The following BMP1 variants were observed in gnomAD, a reference collection of about 807,000 sequenced individuals.
BMP1 encodes mammalian tolloid protein.
Under a neutral mutation model 116.8 loss-of-function variants are expected in BMP1, and 63 were observed. The ratio of observed to expected loss-of-function variants is 0.54; its 90% CI spans 0.44 to 0.67. The LOEUF (loss-of-function observed/expected upper bound fraction) is 0.67. BMP1 is among the 30% of genes least tolerant of loss of function. The pLI is 0.00. For missense variants in BMP1, 1,183 were observed against 1,358.9 expected (o/e 0.87, Z 2.04); for synonymous variants, 536 against 533.4 (o/e 1.00, Z -0.07).
At chr8:22,180,743 A>G (rs535084631) in intron 8 of BMP1, among the ~76,000 whole-genome samples, 3 of 152,068 alleles carry the variant, frequency 2.0e-5, no homozygotes, top group Non-Finnish European at 4.4e-5. Flanking sequence ...TTGATTATCT[A>G]GTTCTTCTTG....
intron 8 of BMP1, among the ~76,000 whole-genome samples, chr8:22,184,495 G>A (rs138074183): frequency 4.6e-4 from 70 of 152,324 alleles, no homozygotes; most frequent in Non-Finnish European, 8.4e-4. Context: ...AGAAGTACAC[G>A]AAGTAAAAAC....
At chr8:22,208,733 A>T (rs1331270301) in intron 18 of BMP1, among the ~76,000 whole-genome samples, 1 of 152,230 alleles carries the variant, frequency 6.6e-6, no homozygotes, top group Admixed American at 6.5e-5. Flanking sequence ...GGAGCTTTGC[A>T]GTCTCCTCCT....
At chr8:22,192,682 C>G (rs570010104) in intron 9 of BMP1, among the ~76,000 whole-genome samples, 1 of 152,130 alleles carries the variant, frequency 6.6e-6, no homozygotes, top group Non-Finnish European at 1.5e-5. Context: ...TACTTTGTCC[C>G]GAGGAGGGTA....
intron 13 of BMP1, 117 bp from the exon 14 acceptor site, chr8:22,196,563 A>G: frequency 6.7e-7 from 1 of 1,487,196 alleles, no homozygotes; most frequent in Non-Finnish European, 9.2e-7. Context: ...CAGGTCCCTG[A>G]GCCTTGGGGA....
At chr8:22,172,817 A>G (rs1211803396) in intron 1 of BMP1, among the ~76,000 whole-genome samples, 2 of 151,638 alleles carry the variant, frequency 1.3e-5, no homozygotes, top group African/African-American at 4.8e-5. Context: ...GGGTTTCACC[A>G]TGTTGCCCAG....
At position 22,201,900 on chromosome 8, in the gene BMP1, C is replaced by G. The variant is rs28710878; in HGVS notation, c.2205C>G (p.Leu735=). 5.7e-3 allele frequency: 9,259 copies of G among 1,613,802 alleles called. 484 individuals carry two copies. In the African/African-American group the frequency reaches 0.11, roughly 19 times the overall value. ...YECQCRSGFV[L]HDNKHDCKEA... ...GCCAATGCCGCAGTGGCTTCGTCCT[C>G]CATGACAACAAGCACGACTGCAAAG... is the stretch of plus-strand genomic sequence containing the variant. Residue 735 remains leucine, a synonymous_variant, in exon 16 of 20, where the codon CTC becomes CTG. Coordinates refer to ENST00000306385, the MANE Select transcript of BMP1 (RefSeq NM_006129.5).
intron 1 of BMP1, chr8:22,171,428 G>A (rs1056599842): frequency 6.6e-6 from 1 of 152,182 alleles, no homozygotes; most frequent in African/African-American, 2.4e-5. Context: ...CAATTGGAAA[G>A]CACCACAAAA....
chr8:22,174,627 CTTTTTTTTTTTTT>C lies in BMP1; in HGVS notation c.262+923_262+935del, dbSNP rs57781366. 5.6e-5 allele frequency among the ~76,000 whole-genome samples: 6 copies of C among 106,270 alleles called. No individual in the cohort carries two copies. In the South Asian group the frequency reaches 1.8e-3, roughly 32 times the overall value. 69.7% of individuals were successfully genotyped at this position (106,270 alleles called of 152,430 possible). A position where few individuals can be genotyped will look rare whatever the true frequency, so the allele number is the denominator to read the frequency against. The stretch of plus-strand genomic sequence containing the variant: ...GGGATTCTTTCTTCTTTTTTTCTGT[CTTTTTTTTTTTTT>C]TTTTTTTTTTGAGACAGGGTCTCAG... On this transcript the variant is annotated intron_variant, in intron 2 of 19. Transcript: ENST00000306385.
rs944013076 is a variant in BMP1, at chr8:22,211,891, G to A, written c.*163G>A. The A allele has an allele frequency of 9.2e-7, 1 of 1,083,974 alleles. No individual in the cohort carries two copies. The highest frequency in any genetic ancestry group is 1.6e-5 in the African/African-American group (1 of 63,320). 67.1% of individuals were successfully genotyped at this position (1,083,974 alleles called of 1,614,324 possible). Reference sequence around the variant, plus strand: ...CTGTCCATAGGAGGTGGGGGAACTGGACTCCGGCATAAGCCACTTCCCCAC... The same window carrying A: ...CTGTCCATAGGAGGTGGGGGAACTGAACTCCGGCATAAGCCACTTCCCCAC... On this transcript the variant is annotated 3_prime_UTR_variant, in exon 20 of 20. Transcript: ENST00000306385.
chr8:22,195,884 A>G (rs976666228), intron 13 of BMP1, among the ~76,000 whole-genome samples: 3 of 151,964 alleles, frequency 2.0e-5, no homozygotes, highest in African/African-American at 7.2e-5. Context: ...CCTGGCCTCA[A>G]GTACTCCTCC....
Position 22,197,227 on chromosome 8 carries a change from G to A in BMP1, c.1927-13G>A, listed in dbSNP as rs371954727. 85 of 1,602,244 alleles carry A rather than the reference G, an allele frequency of 5.3e-5. No individual in the cohort carries two copies. The highest frequency in any genetic ancestry group is 4.0e-4 in the African/African-American group (30 of 74,702). On this transcript the variant is annotated splice_polypyrimidine_tract_variant and intron_variant, in intron 14 of 19. Transcript: ENST00000306385. ...CCTGGAGGAGGCGGGCCTGGAGCTG[G>A]GCTTCCCTGCAGGTGTGCAAGTACG... is the stretch of plus-strand genomic sequence containing the variant.
intron 8 of BMP1, among the ~76,000 whole-genome samples, chr8:22,191,784 T>C (rs955339525): frequency 2.6e-5 from 4 of 152,316 alleles, no homozygotes; most frequent in Middle Eastern, 3.4e-3. Flanking sequence ...TGTTATCTAA[T>C]TGACTATGAA....
Position 22,192,029 on chromosome 8 carries a change from T to C in BMP1, c.1078-20T>C. The C allele has an allele frequency of 6.3e-7, 1 of 1,599,852 alleles. No homozygotes were observed. The highest frequency in any genetic ancestry group is 8.6e-7 in the Non-Finnish European group (1 of 1,167,524). Reference sequence around the variant, plus strand: ...CAATGTTCGGGACAGCTTAACCCTCTTCCTCCCCTGTTGCCCTAGATCATC... The same window carrying C: ...CAATGTTCGGGACAGCTTAACCCTCCTCCTCCCCTGTTGCCCTAGATCATC... On this transcript the variant is annotated intron_variant, in intron 8 of 19. Coordinates refer to ENST00000306385, the MANE Select transcript of BMP1 (RefSeq NM_006129.5).
intron 8 of BMP1, among the ~76,000 whole-genome samples, chr8:22,189,990 G>C (rs1197009350): frequency 1.3e-5 from 2 of 152,018 alleles, no homozygotes; most frequent in African/African-American, 2.4e-5. Context: ...GCATGATCTA[G>C]GCTCACTGCA....
At chr8:22,192,643 C>A (rs773556519) in intron 9 of BMP1, among the ~76,000 whole-genome samples, 1 of 152,178 alleles carries the variant, frequency 6.6e-6, no homozygotes, top group Non-Finnish European at 1.5e-5. Context: ...GCACACTGGG[C>A]GCCGTGGCCC....
Position 22,194,862 on chromosome 8 carries a change from A to G in BMP1, c.1582A>G (p.Lys528Glu), listed in dbSNP as rs144492922. 1.9e-6 allele frequency: 3 copies of G among 1,613,846 alleles called. No homozygotes were observed. The highest frequency in any genetic ancestry group is 2.7e-5 in the African/African-American group (2 of 74,920). ...GAGCACGTCCAGCCGCCTCTGGCTC[A>G]AGTTCGTCTCTGACGGGTCCATTAA... ...IKSTSSRLWL[K>E]FVSDGSINKA... The change falls in exon 12 of 20, where the codon AAG (lysine) becomes GAG (glutamate). Residue 528 changes from lysine to glutamate, a missense_variant. Physicochemically the swap from Lys to Glu is moderately conservative, Grantham distance 56. Transcript: ENST00000306385. This position sits in a 1 kb window ranked among gnomAD's most constrained non-coding sequence, Gnocchi z 4.5.
chr8:22,178,003 C>T lies in BMP1; in HGVS notation c.836+46C>T, dbSNP rs188430295. The T allele has an allele frequency of 2.3e-4, 330 of 1,443,796 alleles. No homozygotes were observed. In the African/African-American group the frequency reaches 4.1e-3, roughly 18 times the overall value. 89.4% of individuals were successfully genotyped at this position (1,443,796 alleles called of 1,614,324 possible). ...TGGGCCTCTGCTCGGGCAGCCCCACCCTGCCCTCTGTAGGCTATTCTCCTC... is the reference window on the plus strand; with the variant it reads ...TGGGCCTCTGCTCGGGCAGCCCCACTCTGCCCTCTGTAGGCTATTCTCCTC... On this transcript the variant is annotated intron_variant, in intron 6 of 19. Coordinates refer to ENST00000306385, the MANE Select transcript of BMP1 (RefSeq NM_006129.5).
At chr8:22,165,859 T>C (rs1828082092) in intron 1 of BMP1, among the ~76,000 whole-genome samples, 1 of 144,394 alleles carries the variant, frequency 6.9e-6, no homozygotes. Flanking sequence ...TAGGAAACTT[T>C]TCTGGCCAAA....
Position 22,211,859 on chromosome 8 carries a change from G to A in BMP1, c.*131G>A. The A allele has an allele frequency of 7.1e-7, 1 of 1,402,646 alleles. No individual in the cohort carries two copies. The highest frequency in any genetic ancestry group is 1.3e-5 in the South Asian group (1 of 78,460). The allele number at this position is 1,402,646 out of a possible 1,614,324, so 86.9% of individuals were successfully genotyped here. A position where few individuals can be genotyped will look rare whatever the true frequency, so the allele number is the denominator to read the frequency against. On this transcript the variant is annotated 3_prime_UTR_variant, in exon 20 of 20. Transcript: ENST00000306385. ...CCAGGACCTGCAGGGCCAATGGCCTGGTGAGACTGTCCATAGGAGGTGGGG... is the reference window on the plus strand; with the variant it reads ...CCAGGACCTGCAGGGCCAATGGCCTAGTGAGACTGTCCATAGGAGGTGGGG...
Sources: allele counts gnomAD v4.1 joint callset (sites outside exome capture counted in the v4.1 genomes callset), GRCh38; gene constraint gnomAD v4.1.1; non-coding constraint Gnocchi (gnomAD v3.1); transcripts MANE v1.5; gene names NCBI Gene and HGNC (gene_info 2026-07-23, HGNC 2026-07-21).